NBEA: variants seen among roughly 807,000 people sequenced by gnomAD.
NBEA encodes lysosomal-trafficking regulator 2.
Under a neutral mutation model 343.4 loss-of-function variants are expected in NBEA, and 44 were observed. The ratio of observed to expected loss-of-function variants is 0.13; its 90% CI spans 0.10 to 0.16. The LOEUF (loss-of-function observed/expected upper bound fraction) is 0.16. NBEA is among the 10% of genes least tolerant of loss of function. NBEA has a pLI of 1.00. For synonymous variants in NBEA, 1,175 were observed against 1,238.7 expected (o/e 0.95, Z 1.08); for missense variants, 2,555 against 3,631.3 (o/e 0.70, Z 7.62).
At chr13:35,155,405 T>G (rs1593536709) in intron 18 of NBEA, among the ~76,000 whole-genome samples, 1 of 152,030 alleles carries the variant, frequency 6.6e-6, no homozygotes, top group Middle Eastern at 3.4e-3. Context: ...GGGTGGATCA[T>G]CTGAGGTCAG....
chr13:35,330,704 T>A (rs1445154916), intron 36 of NBEA, among the ~76,000 whole-genome samples: 4 of 152,094 alleles, frequency 2.6e-5, no homozygotes, highest in Admixed American at 2.6e-4. Context: ...ATTGTTCATA[T>A]AATCAACTGA....
chr13:35,168,898 C>A, intron 24 of NBEA, 89 bp from the exon 25 acceptor site: 2 of 922,176 alleles, frequency 2.2e-6, no homozygotes, highest in Admixed American at 3.0e-5. Context: ...TTTTGTGTTT[C>A]AATTTTACAT....
chr13:35,092,384 T>C (rs1484098929), intron 10 of NBEA, among the ~76,000 whole-genome samples: 1 of 151,956 alleles, frequency 6.6e-6, no homozygotes, highest in African/African-American at 2.4e-5. Context: ...TTTGACTTTG[T>C]CTAAGTTAAA....
At chr13:35,385,309 T>G (rs1225473749) in intron 38 of NBEA, among the ~76,000 whole-genome samples, 1 of 152,194 alleles carries the variant, frequency 6.6e-6, no homozygotes, top group Non-Finnish European at 1.5e-5. Context: ...TGCCTTGCTT[T>G]TTTCTTTTTA....
chr13:35,072,532 C>T (rs540446270), intron 10 of NBEA, among the ~76,000 whole-genome samples: 10 of 151,776 alleles, frequency 6.6e-5, no homozygotes, highest in Middle Eastern at 3.4e-3. Context: ...TCAGTGATGT[C>T]TATTATGTCT....
At chr13:35,610,947 C>A (rs543384614) in intron 48 of NBEA, among the ~76,000 whole-genome samples, 7 of 151,660 alleles carry the variant, frequency 4.6e-5, no homozygotes, top group Non-Finnish European at 1.0e-4. Flanking sequence ...TGAAAAGATG[C>A]CTCATATCAA....
chr13:35,577,823 G>A, intron 45 of NBEA, among the ~76,000 whole-genome samples: 1 of 152,122 alleles, frequency 6.6e-6, no homozygotes, highest in Non-Finnish European at 1.5e-5. Flanking sequence ...TTACCAGATG[G>A]TGTCATGTAA....
In NBEA at chr13:35,632,900, T is replaced by C. The variant is rs1009040558; in HGVS notation, c.7617+4652T>C. Among the ~76,000 whole-genome samples, 3 of 151,296 alleles carry C rather than the reference T, an allele frequency of 2.0e-5. No individual in the cohort carries two copies. The South Asian group carries it at 6.3e-4, about 32-fold the overall frequency. ...TGAGCCACTGTGCACGGCCCCCCTG[T>C]ACTATTTTTAATACACATGTCATAC... On this transcript the variant is annotated intron_variant, in intron 49 of 58. Coordinates refer to ENST00000379939, the MANE Select transcript of NBEA (RefSeq NM_001385012.1).
chr13:35,100,391 A>G (rs1209234174), intron 11 of NBEA, among the ~76,000 whole-genome samples: 1 of 151,980 alleles, frequency 6.6e-6, no homozygotes, highest in Non-Finnish European at 1.5e-5. Flanking sequence ...TAAGAACTTA[A>G]GGTCCTTTGG....
intron 34 of NBEA, among the ~76,000 whole-genome samples, chr13:35,247,638 T>C (rs1473328281): frequency 6.6e-6 from 1 of 152,154 alleles, no homozygotes; most frequent in African/African-American, 2.4e-5. Context: ...GTTTGGGCTG[T>C]CTCCCAGGTC....
chr13:35,234,500 TA>T (rs2075131583), intron 34 of NBEA, among the ~76,000 whole-genome samples: 1 of 152,090 alleles, frequency 6.6e-6, no homozygotes, highest in Non-Finnish European at 1.5e-5. Context: ...CAAAGAGACA[TA>T]AAAACCAATA....
At chr13:35,255,779 G>A (rs934319434) in intron 34 of NBEA, among the ~76,000 whole-genome samples, 2 of 152,260 alleles carry the variant, frequency 1.3e-5, no homozygotes, top group South Asian at 2.1e-4. Flanking sequence ...GTGAGCGGGG[G>A]TGGGAGGATT....
chr13:35,155,488 G>A lies in NBEA; in HGVS notation c.2446-286G>A, dbSNP rs143627380. On this transcript the variant is annotated intron_variant, in intron 18 of 58. Transcript: ENST00000379939. ...AAAATACAAAAAATTAGCCAGGCGT[G>A]GTGGCACATGCCTGTAATCCCAGCT... 9.7e-3 allele frequency among the ~76,000 whole-genome samples: 1,477 copies of A among 152,208 alleles called. 26 individuals are homozygous for A. Among genetic ancestry groups the A allele is most frequent in the African/African-American group, 0.034 (1,406 of 41,520 alleles).
At chr13:35,328,636 C>T (rs1449307157) in intron 36 of NBEA, among the ~76,000 whole-genome samples, 1 of 151,838 alleles carries the variant, frequency 6.6e-6, no homozygotes, top group Non-Finnish European at 1.5e-5. Flanking sequence ...CAACTATATA[C>T]CCACAAAAAT....
At chr13:35,625,792 C>A (rs944068209) in intron 48 of NBEA, among the ~76,000 whole-genome samples, 1 of 151,964 alleles carries the variant, frequency 6.6e-6, no homozygotes, top group African/African-American at 2.4e-5. Flanking sequence ...TTGAGGAATA[C>A]AAATTAAAAC....
chr13:35,599,976 A>G (rs1214613131), intron 47 of NBEA, among the ~76,000 whole-genome samples: 1 of 152,232 alleles, frequency 6.6e-6, no homozygotes, highest in Non-Finnish European at 1.5e-5. Context: ...TTAAATAACC[A>G]TATTCAGAAA....
chr13:35,267,297 A>G (rs1252479574), intron 34 of NBEA, among the ~76,000 whole-genome samples: 1 of 151,976 alleles, frequency 6.6e-6, no homozygotes, highest in Non-Finnish European at 1.5e-5. Flanking sequence ...TGTGCGAGGC[A>G]ATGCATATGC....
intron 30 of NBEA, among the ~76,000 whole-genome samples, chr13:35,184,658 A>G (rs867426179): frequency 1.3e-5 from 2 of 152,128 alleles, no homozygotes; most frequent in Non-Finnish European, 2.9e-5. Flanking sequence ...TCAGATACGG[A>G]CATTATAGAA....
intron 34 of NBEA, among the ~76,000 whole-genome samples, chr13:35,245,522 T>A (rs1052035031): frequency 2.0e-4 from 30 of 152,238 alleles, no homozygotes; most frequent in African/African-American, 7.2e-4. Context: ...TGAAAAAGAG[T>A]GTATCTTTCA....
Sources: gnomAD v4.1 joint callset for allele counts (sites outside exome capture counted in the v4.1 genomes callset) on GRCh38, gnomAD v4.1.1 for gene constraint, MANE v1.5 for transcripts, NCBI Gene and HGNC (gene_info 2026-07-23, HGNC 2026-07-21) for gene names.